The following MRPS31 variants were observed in gnomAD, a reference collection of about 807,000 sequenced individuals.
MRPS31 encodes small ribosomal subunit protein mS31.
In MRPS31, 32 loss-of-function variants were observed where a neutral mutation model predicts 43.1. The observed-to-expected ratio is 0.74, with a 90% CI of 0.56 to 1.00. The LOEUF (loss-of-function observed/expected upper bound fraction) is 1.00. Among genes scored for constraint, MRPS31 ranks in the 50% least tolerant of loss-of-function variants. The pLI, the probability that MRPS31 is intolerant of heterozygous loss-of-function variation, is 0.00. For synonymous variants in MRPS31, 165 were observed against 161.6 expected (o/e 1.02, Z -0.16); for missense variants, 437 against 466.7 (o/e 0.94, Z 0.59).
At chr13:40,753,735 CTA>C (rs1193847248) in intron 5 of MRPS31, among the ~76,000 whole-genome samples, 1 of 152,184 alleles carries the variant, frequency 6.6e-6, no homozygotes, top group Non-Finnish European at 1.5e-5. Context: ...CAGGGTGACT[CTA>C]GAGCTGCTCA....
At chr13:40,760,948 T>C (rs1880679041) in intron 2 of MRPS31, among the ~76,000 whole-genome samples, 1 of 152,026 alleles carries the variant, frequency 6.6e-6, no homozygotes, top group Admixed American at 6.6e-5. Flanking sequence ...ATGAAAGATC[T>C]AAAATCTGAT....
At position 40,766,781 on chromosome 13, in the gene MRPS31, C is replaced by A; in HGVS notation, c.405G>T (p.Arg135Ser). The A allele has an allele frequency of 6.2e-7, 1 of 1,612,600 alleles. No homozygotes were observed. Among genetic ancestry groups the A allele is most frequent in the Non-Finnish European group, 8.5e-7 (1 of 1,179,628 alleles). ...GAGCATATTCTGTAGCTCTTCGAAG[C>A]CTGCCAAGTGTAGCTTCCAAACTTT... The part of the protein sequence containing the change: ...PLKSLEATLG[R>S]LRRATEYAPK... Residue 135 changes from arginine (R) to serine (S), a missense_variant, in exon 2 of 7, where the codon AGG becomes AGT. Transcript: ENST00000323563.
rs371545147 is a variant in MRPS31, at chr13:40,742,709, A to G, written c.958+6429T>C. ...TTTCAGATACCCTAGAGGACACATA[A>G]GAAGTGAAAAAGTTTAAACCAACTA... On this transcript the variant is annotated intron_variant, in intron 6 of 6. Coordinates refer to ENST00000323563, the MANE Select transcript of MRPS31 (RefSeq NM_005830.4). Among the ~76,000 whole-genome samples the G allele has an allele frequency of 5.3e-4, 81 of 152,312 alleles. 1 individual carries two copies. In the South Asian group the frequency reaches 9.3e-3, roughly 18 times the overall value.
chr13:40,737,526 C>T (rs1226727776), intron 6 of MRPS31, among the ~76,000 whole-genome samples: 1 of 152,004 alleles, frequency 6.6e-6, no homozygotes, highest in Non-Finnish European at 1.5e-5. Flanking sequence ...TGACCACATA[C>T]TTGGAAGTAA....
At chr13:40,738,665 T>A (rs1879994769) in intron 6 of MRPS31, among the ~76,000 whole-genome samples, 1 of 152,120 alleles carries the variant, frequency 6.6e-6, no homozygotes, top group Non-Finnish European at 1.5e-5. Context: ...ATCCAGCACA[T>A]AAACAGAGCC....
chr13:40,750,475 T>C (rs1880355637), intron 5 of MRPS31, among the ~76,000 whole-genome samples: 1 of 152,014 alleles, frequency 6.6e-6, no homozygotes, highest in African/African-American at 2.4e-5. Flanking sequence ...GGTGTATATA[T>C]TTGTCAAAAT....
intron 4 of MRPS31, 113 bp downstream of exon 4, chr13:40,756,760 T>C (rs189076645): frequency 8.5e-7 from 1 of 1,181,378 alleles, no homozygotes; most frequent in African/African-American, 1.6e-5. Flanking sequence ...AATGTATTCA[T>C]AATGTTCAGA....
In MRPS31 at chr13:40,771,006, C is replaced by T; in HGVS notation, c.131G>A (p.Arg44His). Residue 44 changes from arginine (R) to histidine (H), a missense_variant, in exon 1 of 7, where the codon CGC (arginine) becomes CAC (histidine). Arg to His is a conservative substitution (Grantham distance 29, BLOSUM62 0). Coordinates refer to ENST00000323563, the MANE Select transcript of MRPS31 (RefSeq NM_005830.4). ...LTVRHGTVRYRSSALLARTKN... is the reference protein window; with the variant it reads ...LTVRHGTVRYHSSALLARTKN... Reference sequence around the variant, plus strand: ...CTACCGGGCCAACAGCGCTGAACTGCGGTACCTGACTGTTCCGTGCCGAAC... The same window carrying T: ...CTACCGGGCCAACAGCGCTGAACTGTGGTACCTGACTGTTCCGTGCCGAAC... 1 of 1,614,154 alleles carries T rather than the reference C, an allele frequency of 6.2e-7. No homozygotes were observed. Among genetic ancestry groups the T allele is most frequent in the Admixed American group, 1.7e-5 (1 of 60,006 alleles).
At position 40,770,985 on chromosome 13, in the gene MRPS31, C is replaced by G. The variant is rs762115044; in HGVS notation, c.152G>C (p.Arg51Pro). 6.2e-7 allele frequency: 1 copy of G among 1,614,108 alleles called. No homozygotes were observed. Among genetic ancestry groups the G allele is most frequent in the Non-Finnish European group, 8.5e-7 (1 of 1,180,020 alleles). Residue 51 changes from arginine (R) to proline (P), a missense_variant and splice_region_variant, in exon 1 of 7, where the codon CGG becomes CCG. By Grantham distance (103) the Arg-to-Pro change is moderately radical (BLOSUM62 -2). Transcript: ENST00000323563. Reference protein sequence around the residue: ...VRYRSSALLARTKNNIQRYFG... With the variant: ...VRYRSSALLAPTKNNIQRYFG... The stretch of plus-strand genomic sequence containing the variant: ...GGCACGGGGTTGCCTGAGGACCTAC[C>G]GGGCCAACAGCGCTGAACTGCGGTA...
chr13:40,743,832 T>G (rs2138001260), intron 6 of MRPS31, among the ~76,000 whole-genome samples: 1 of 152,326 alleles, frequency 6.6e-6, no homozygotes, highest in Non-Finnish European at 1.5e-5. Context: ...CCATTCAACT[T>G]AGCAATCCAA....
chr13:40,758,087 G>A (rs1218187656), intron 3 of MRPS31, among the ~76,000 whole-genome samples: 1 of 150,682 alleles, frequency 6.6e-6, no homozygotes, highest in African/African-American at 2.4e-5. Context: ...AGCCTGCAGT[G>A]AGCCGAGATC....
chr13:40,763,416 C>A (rs910259160), intron 2 of MRPS31, among the ~76,000 whole-genome samples: 2 of 152,204 alleles, frequency 1.3e-5, no homozygotes, highest in Non-Finnish European at 2.9e-5. Context: ...ATGCAGTTTC[C>A]AGGGTCCCTG....
At chr13:40,765,753 G>A (rs561337169) in intron 2 of MRPS31, among the ~76,000 whole-genome samples, 22 of 152,298 alleles carry the variant, frequency 1.4e-4, no homozygotes, top group Middle Eastern at 3.4e-3. Flanking sequence ...GGTAACAGAA[G>A]TCAGTGATGA....
In MRPS31 at chr13:40,756,963, C is replaced by CT; in HGVS notation, c.649dup (p.Arg217LysfsTer13). On this transcript the variant is annotated frameshift_variant, in exon 4 of 7. Transcript: ENST00000323563. LOFTEE classifies it high-confidence loss of function. ...CCGAAGCTCTGGTCTTGAACGAACT[C>CT]TAGCTGTAGCAGATCTGGCAACTTT... is the stretch of plus-strand genomic sequence containing the variant. 2 of 1,613,394 alleles carry CT rather than the reference C, an allele frequency of 1.2e-6. No homozygotes were observed. Among genetic ancestry groups the CT allele is most frequent in the Non-Finnish European group, 1.7e-6 (2 of 1,179,682 alleles).
intron 2 of MRPS31, among the ~76,000 whole-genome samples, chr13:40,763,764 A>G (rs887285082): frequency 6.6e-6 from 1 of 152,342 alleles, no homozygotes; most frequent in South Asian, 2.1e-4. Flanking sequence ...AACAAGATAG[A>G]GGTAACACAC....
intron 4 of MRPS31, among the ~76,000 whole-genome samples, chr13:40,756,579 A>C (rs566649196): frequency 1.4e-4 from 21 of 152,336 alleles, no homozygotes; most frequent in African/African-American, 4.6e-4. Flanking sequence ...TTATTTGCTC[A>C]GAATTCAGTC....
chr13:40,740,035 A>G (rs1566105491), intron 6 of MRPS31, among the ~76,000 whole-genome samples: 1 of 149,694 alleles, frequency 6.7e-6, no homozygotes, highest in Non-Finnish European at 1.5e-5. Context: ...TTCGCAACCT[A>G]CTCATCTGAC....
At chr13:40,755,670 G>A (rs1164698075) in intron 4 of MRPS31, among the ~76,000 whole-genome samples, 1 of 152,168 alleles carries the variant, frequency 6.6e-6, no homozygotes, top group African/African-American at 2.4e-5. Context: ...CCCAGTCATA[G>A]CAGGGTGAAA....
intron 5 of MRPS31, among the ~76,000 whole-genome samples, chr13:40,752,875 A>G (rs1263863747): frequency 6.6e-6 from 1 of 152,056 alleles, no homozygotes; most frequent in South Asian, 2.1e-4. Flanking sequence ...AGTCACTAGG[A>G]TTACAGGCAT....
Sources: gnomAD v4.1 joint callset for allele counts (sites outside exome capture counted in the v4.1 genomes callset) on GRCh38, gnomAD v4.1.1 for gene constraint, MANE v1.5 for transcripts, NCBI Gene and HGNC (gene_info 2026-07-23, HGNC 2026-07-21) for gene names.